TOX: variants seen among roughly 807,000 people sequenced by gnomAD.
The protein encoded by TOX is thymocyte selection-associated high mobility group box protein TOX.
In TOX, 11 loss-of-function variants were observed where a neutral mutation model predicts 53.7. That is an observed-to-expected ratio of 0.20 (90% CI 0.13 to 0.34). TOX has a LOEUF of 0.34. Among genes scored for constraint, TOX ranks in the 10% least tolerant of loss-of-function variants. The pLI, the probability that TOX is intolerant of heterozygous loss-of-function variation, is 1.00. For missense variants in TOX, 570 were observed against 664.6 expected (o/e 0.86, Z 1.56); for synonymous variants, 225 against 245.3 (o/e 0.92, Z 0.77).
intron 1 of TOX, among the ~76,000 whole-genome samples, chr8:59,036,627 C>A (rs955411694): frequency 2.0e-5 from 3 of 152,150 alleles, no homozygotes; most frequent in African/African-American, 7.2e-5. Context: ...AAAATACCAT[C>A]AATCAATCAA....
intron 3 of TOX, among the ~76,000 whole-genome samples, chr8:58,896,607 G>A (rs185112145): frequency 4.0e-4 from 61 of 152,164 alleles, no homozygotes; most frequent in African/African-American, 1.3e-3. Flanking sequence ...CCAGGGAGTC[G>A]GAGGTTGCAG....
At position 59,118,991 on chromosome 8, in the gene TOX, A is replaced by G. The variant is rs747716822; in HGVS notation, c.-4T>C. On this transcript the variant is annotated 5_prime_UTR_variant, in exon 1 of 9. Coordinates refer to ENST00000361421, the MANE Select transcript of TOX (RefSeq NM_014729.3). The surrounding 1 kb of genome is among the most constrained non-coding windows in gnomAD (Gnocchi z 4.1). The stretch of plus-strand genomic sequence containing the variant: ...GTGGATAAAATCTTACGTCCATTTC[A>G]CTCTCACATCAAGCAACTCCTTTTC... 1 of 1,592,060 alleles carries G rather than the reference A, an allele frequency of 6.3e-7. No individual in the cohort carries two copies. The highest frequency in any genetic ancestry group is 8.6e-7 in the Non-Finnish European group (1 of 1,164,904).
chr8:59,053,552 C>T (rs1168532352), intron 1 of TOX, among the ~76,000 whole-genome samples: 1 of 152,202 alleles, frequency 6.6e-6, no homozygotes, highest in Non-Finnish European at 1.5e-5. Context: ...GTCTTTATAA[C>T]ATGTTCTGTT....
chr8:58,850,950 TA>T (rs1810803636), intron 4 of TOX, among the ~76,000 whole-genome samples: 2 of 152,074 alleles, frequency 1.3e-5, no homozygotes, highest in African/African-American at 2.4e-5. Flanking sequence ...TCAGATAACT[TA>T]AAAGAATGGC....
intron 1 of TOX, among the ~76,000 whole-genome samples, chr8:58,963,294 GATAGATAGATAGATATATAT>G (rs748678527): frequency 0.025 from 1,903 of 76,148 alleles, 49 homozygotes; most frequent in African/African-American, 0.067. Context: ...ATAGATAGAA[GATAGATAGATAGATATATAT>G]ATAGATAGAT....
chr8:59,073,559 T>TA (rs1471284432), intron 1 of TOX, among the ~76,000 whole-genome samples: 1 of 152,158 alleles, frequency 6.6e-6, no homozygotes, highest in Non-Finnish European at 1.5e-5. Flanking sequence ...ACTTTTTTTT[T>TA]AATCTTGTTT....
At chr8:58,998,533 A>ATT (rs1813617837) in intron 1 of TOX, among the ~76,000 whole-genome samples, 1 of 41,224 alleles carries the variant, frequency 2.4e-5, no homozygotes, top group Non-Finnish European at 3.9e-5. Flanking sequence ...ATATATATAT[A>ATT]TATATAAATT....
At chr8:58,998,563 T>C (rs1284826095) in intron 1 of TOX, among the ~76,000 whole-genome samples, 1 of 132,970 alleles carries the variant, frequency 7.5e-6, no homozygotes, top group Non-Finnish European at 1.6e-5. Flanking sequence ...TAAATTTATG[T>C]AATAAATGTA....
intron 3 of TOX, among the ~76,000 whole-genome samples, chr8:58,899,343 T>C (rs1320184793): frequency 1.3e-5 from 2 of 152,206 alleles, no homozygotes; most frequent in Non-Finnish European, 2.9e-5. Context: ...TTTCAATTTT[T>C]GGCCAAAATC....
Position 58,938,955 on chromosome 8 carries a change from G to T in TOX, c.411+347C>A, listed in dbSNP as rs116884787. ...AGAAGATGTGGGGATCTCCCTTTTG[G>T]GGAGGAATCCTCCACTGGATGAGAG... On this transcript the variant is annotated intron_variant, in intron 3 of 8. Coordinates refer to ENST00000361421, the MANE Select transcript of TOX (RefSeq NM_014729.3). 1.6e-3 allele frequency among the ~76,000 whole-genome samples: 238 copies of T among 152,272 alleles called. 1 individual carries two copies. Among genetic ancestry groups the T allele is most frequent in the Non-Finnish European group, 1.1e-3 (77 of 68,008 alleles).
chr8:58,952,495 C>G (rs1452293685), intron 2 of TOX, among the ~76,000 whole-genome samples: 2 of 152,104 alleles, frequency 1.3e-5, no homozygotes, highest in African/African-American at 4.8e-5. Context: ...GAAAATAGTT[C>G]AAAATATAAT....
At chr8:58,929,508 T>C (rs1812224109) in intron 3 of TOX, among the ~76,000 whole-genome samples, 1 of 151,860 alleles carries the variant, frequency 6.6e-6, no homozygotes, top group Non-Finnish European at 1.5e-5. Flanking sequence ...GAAAAAAAAA[T>C]CTAAAACCAA....
At chr8:59,060,255 C>T (rs1803957722) in intron 1 of TOX, among the ~76,000 whole-genome samples, 3 of 152,270 alleles carry the variant, frequency 2.0e-5, no homozygotes, top group Middle Eastern at 3.4e-3. Context: ...TCAAATCTAC[C>T]TCAACAGACT....
At chr8:58,870,034 T>C (rs529958507) in intron 3 of TOX, among the ~76,000 whole-genome samples, 2 of 152,224 alleles carry the variant, frequency 1.3e-5, no homozygotes, top group South Asian at 4.2e-4. Context: ...ATGTCCCCTT[T>C]CACTACTATT....
chr8:59,117,426 G>A lies in TOX; in HGVS notation c.102+1460C>T, dbSNP rs557129188. On this transcript the variant is annotated intron_variant, in intron 1 of 8. Transcript: ENST00000361421. This position sits in a 1 kb window ranked among gnomAD's most constrained non-coding sequence, Gnocchi z 4.6. The stretch of plus-strand genomic sequence containing the variant: ...AAGCCCTTCTGCCTTGCTCAAGACT[G>A]GATGTCCCTCTTTTCTAACTTGCCT... Among the ~76,000 whole-genome samples the A allele has an allele frequency of 4.6e-5, 7 of 152,330 alleles. No individual in the cohort carries two copies. Among genetic ancestry groups the A allele is most frequent in the Admixed American group, 2.0e-4 (3 of 15,300 alleles).
chr8:59,107,271 G>A (rs915586511), intron 1 of TOX, among the ~76,000 whole-genome samples: 3 of 152,046 alleles, frequency 2.0e-5, no homozygotes, highest in African/African-American at 7.2e-5. Flanking sequence ...AAAATATTAT[G>A]CACATAAATT....
At chr8:59,092,581 A>C (rs1217772428) in intron 1 of TOX, among the ~76,000 whole-genome samples, 1 of 151,758 alleles carries the variant, frequency 6.6e-6, no homozygotes, top group Non-Finnish European at 1.5e-5. Context: ...ACAAATGCCA[A>C]GCTCTTTAAC....
At chr8:59,096,505 A>T (rs535118866) in intron 1 of TOX, among the ~76,000 whole-genome samples, 3 of 152,366 alleles carry the variant, frequency 2.0e-5, no homozygotes, top group African/African-American at 7.2e-5. Context: ...AGAATTTTAG[A>T]AACAATTCTT....
At chr8:59,076,625 T>G (rs1419465563) in intron 1 of TOX, among the ~76,000 whole-genome samples, 1 of 152,204 alleles carries the variant, frequency 6.6e-6, no homozygotes, top group Non-Finnish European at 1.5e-5. Context: ...CACAGCTGAT[T>G]TTTTATGTTG....
Sources: gnomAD v4.1 joint callset for allele counts (sites outside exome capture counted in the v4.1 genomes callset) on GRCh38, gnomAD v4.1.1 for gene constraint, Gnocchi (gnomAD v3.1) non-coding constraint, MANE v1.5 for transcripts, NCBI Gene and HGNC (gene_info 2026-07-23, HGNC 2026-07-21) for gene names.